GRIK4: variants seen among roughly 807,000 people sequenced by gnomAD.
GRIK4 encodes the protein glutamate receptor ionotropic, kainate 4.
In GRIK4, 40 loss-of-function variants were observed where a neutral mutation model predicts 104.9. The observed-to-expected ratio is 0.38, with a 90% CI of 0.30 to 0.50. The LOEUF is 0.50. Ranked by LOEUF, GRIK4 falls within the 20% of genes least tolerant of loss-of-function variation. The pLI, the probability that GRIK4 is intolerant of heterozygous loss-of-function variation, is 0.93. For missense variants in GRIK4, 1,047 were observed against 1,308.1 expected (o/e 0.80, Z 3.08); for synonymous variants, 485 against 524.9 (o/e 0.92, Z 1.04).
chr11:120,659,830 G>C (rs1423801689), intron 2 of GRIK4, among the ~76,000 whole-genome samples: 1 of 152,246 alleles, frequency 6.6e-6, no homozygotes, highest in Non-Finnish European at 1.5e-5. Context: ...TCTGCCTCCT[G>C]TGTTCAAGTC....
chr11:120,587,476 A>G (rs1948682063), intron 1 of GRIK4, among the ~76,000 whole-genome samples: 1 of 152,244 alleles, frequency 6.6e-6, no homozygotes, highest in Non-Finnish European at 1.5e-5. Flanking sequence ...TGACACTCAA[A>G]ATAGGGATAA....
intron 1 of GRIK4, among the ~76,000 whole-genome samples, chr11:120,605,918 A>G (rs140827849): frequency 6.6e-6 from 1 of 152,320 alleles, no homozygotes; most frequent in East Asian, 1.9e-4. Context: ...GAAAGACCGC[A>G]CAGGCGGTGG....
intron 3 of GRIK4, among the ~76,000 whole-genome samples, chr11:120,783,602 A>G (rs1009921279): frequency 6.6e-6 from 1 of 152,162 alleles, no homozygotes; most frequent in African/African-American, 2.4e-5. Flanking sequence ...CCACTAAATG[A>G]AATTTACTAG....
At chr11:120,885,344 A>G (rs1294108056) in intron 11 of GRIK4, among the ~76,000 whole-genome samples, 1 of 152,194 alleles carries the variant, frequency 6.6e-6, no homozygotes, top group Non-Finnish European at 1.5e-5. Flanking sequence ...CAACTATGCA[A>G]GAAAAGAAGA....
At chr11:120,652,971 A>G (rs929709639) in intron 1 of GRIK4, among the ~76,000 whole-genome samples, 2 of 152,250 alleles carry the variant, frequency 1.3e-5, no homozygotes, top group Non-Finnish European at 2.9e-5. Context: ...CTCATGAATC[A>G]GCAAACATTT....
In GRIK4 at chr11:120,945,376, C is replaced by T. The variant is rs548627603; in HGVS notation, c.1590+4916C>T. ...TATCTATCTCTCCCTTTGTATCCTC[C>T]GATGGGAGGTATATTAAGGGAAAGG... is the stretch of plus-strand genomic sequence containing the variant. On this transcript the variant is annotated intron_variant, in intron 14 of 20. Coordinates refer to ENST00000527524, the MANE Select transcript of GRIK4 (RefSeq NM_014619.5). Among the ~76,000 whole-genome samples, 8 of 152,296 alleles carry T rather than the reference C, an allele frequency of 5.3e-5. No homozygotes were observed. In the South Asian group the frequency reaches 6.2e-4, roughly 12 times the overall value.
At chr11:120,526,689 A>G (rs1947861424) in intron 1 of GRIK4, among the ~76,000 whole-genome samples, 1 of 152,112 alleles carries the variant, frequency 6.6e-6, no homozygotes, top group Admixed American at 6.5e-5. Context: ...AAAATTAACC[A>G]GGTGTGGTGG....
intron 3 of GRIK4, among the ~76,000 whole-genome samples, chr11:120,703,898 G>A (rs1014799554): frequency 6.6e-6 from 1 of 152,126 alleles, no homozygotes; most frequent in African/African-American, 2.4e-5. Context: ...ATCATCTTTG[G>A]TAGCACTAAA....
chr11:120,646,656 C>T (rs1231334003), intron 1 of GRIK4, among the ~76,000 whole-genome samples: 1 of 152,046 alleles, frequency 6.6e-6, no homozygotes, highest in Non-Finnish European at 1.5e-5. Context: ...AAAACATTGT[C>T]CTAGGTGTTT....
At chr11:120,879,492 C>T (rs1013754339) in intron 11 of GRIK4, among the ~76,000 whole-genome samples, 4 of 152,184 alleles carry the variant, frequency 2.6e-5, no homozygotes, top group Admixed American at 1.3e-4. Flanking sequence ...ACATTCTCTG[C>T]CGGTGGCTGA....
At chr11:120,557,691 C>A (rs950157002) in intron 1 of GRIK4, among the ~76,000 whole-genome samples, 2 of 152,168 alleles carry the variant, frequency 1.3e-5, no homozygotes, top group African/African-American at 4.8e-5. Flanking sequence ...ACGAGAGAGG[C>A]TTCTGTCAGC....
At chr11:120,869,490 G>T (rs1011221493) in intron 9 of GRIK4, 34 of 152,302 alleles carry the variant, frequency 2.2e-4, no homozygotes, top group African/African-American at 8.0e-4. Flanking sequence ...GAAGAATCTT[G>T]AAGGCCATGG....
chr11:120,780,923 T>C (rs1044839633), intron 3 of GRIK4, among the ~76,000 whole-genome samples: 1 of 152,078 alleles, frequency 6.6e-6, no homozygotes, highest in Non-Finnish European at 1.5e-5. Flanking sequence ...TTTGCATTTT[T>C]AGTAGAGACG....
chr11:120,783,360 C>A (rs1477440718), intron 3 of GRIK4, among the ~76,000 whole-genome samples: 1 of 152,086 alleles, frequency 6.6e-6, no homozygotes, highest in Non-Finnish European at 1.5e-5. Flanking sequence ...TCTTGCTAAT[C>A]CTGTATTTCT....
At chr11:120,834,932 C>T (rs569792202) in intron 7 of GRIK4, among the ~76,000 whole-genome samples, 51 of 152,312 alleles carry the variant, frequency 3.3e-4, no homozygotes, top group East Asian at 2.1e-3. Flanking sequence ...CTCCGTGGGT[C>T]GCATCCGTCT....
intron 19 of GRIK4, among the ~76,000 whole-genome samples, chr11:120,970,883 A>C (rs1220265155): frequency 6.6e-6 from 1 of 152,130 alleles, no homozygotes; most frequent in African/African-American, 2.4e-5. Context: ...ATAGGTTTTG[A>C]ATGGACATTG....
At chr11:120,688,078 T>TCCCCCAG (rs1950302055) in intron 3 of GRIK4, among the ~76,000 whole-genome samples, 1 of 152,204 alleles carries the variant, frequency 6.6e-6, no homozygotes, top group Admixed American at 6.5e-5. Context: ...CAGCAGTCTT[T>TCCCCCAG]GCTTCTTGCA....
chr11:120,787,852 C>CTTTTTTTTTTTTTTTTTTTTTTTTTTT (rs58523604), intron 3 of GRIK4, among the ~76,000 whole-genome samples: 2 of 77,122 alleles, frequency 2.6e-5, no homozygotes, highest in Non-Finnish European at 4.6e-5. Flanking sequence ...CTTTTCTTTT[C>CTTTTTTTTTTTTTTTTTTTTTTTTTTT]TTTTTTTTTT....
chr11:120,882,720 C>A (rs1486075999), intron 11 of GRIK4, among the ~76,000 whole-genome samples: 2 of 152,078 alleles, frequency 1.3e-5, no homozygotes, highest in African/African-American at 4.8e-5. Context: ...TCTTTCCTAC[C>A]AGAGAACACA....
Sources: allele counts gnomAD v4.1 joint callset (sites outside exome capture counted in the v4.1 genomes callset), GRCh38; gene constraint gnomAD v4.1.1; transcripts MANE v1.5; gene names NCBI Gene and HGNC (gene_info 2026-07-23, HGNC 2026-07-21).